ELP3: variants seen among roughly 807,000 people sequenced by gnomAD.
ELP3 encodes the protein elongator complex protein 3.
ELP3 carries 56 observed loss-of-function variants against 74.9 expected under a neutral mutation model. That is an observed-to-expected ratio of 0.75 (90% CI 0.60 to 0.93). The LOEUF is 0.93. Ranked by LOEUF, ELP3 falls within the 40% of genes least tolerant of loss-of-function variation. The pLI is 0.00. For synonymous variants in ELP3, 222 were observed against 239.8 expected (o/e 0.93, Z 0.68); for missense variants, 573 against 686.5 (o/e 0.83, Z 1.85).
rs553539875 is a variant in ELP3, at chr8:28,179,457, A to G, written c.1568-10192A>G. Reference sequence around the variant, plus strand: ...ATTATTATTAAAGCAGTGGTCCCCAACCTTTTTGGCACCAGGGACTGGTTT... The same window carrying G: ...ATTATTATTAAAGCAGTGGTCCCCAGCCTTTTTGGCACCAGGGACTGGTTT... On this transcript the variant is annotated intron_variant, in intron 14 of 14. Transcript: ENST00000256398. Among the ~76,000 whole-genome samples the G allele has an allele frequency of 1.0e-3, 158 of 152,310 alleles. 1 individual carries two copies. The highest frequency in any genetic ancestry group is 3.6e-3 in the African/African-American group (151 of 41,568).
intron 13 of ELP3, among the ~76,000 whole-genome samples, chr8:28,160,765 G>A (rs994061089): frequency 6.9e-6 from 1 of 144,362 alleles, no homozygotes; most frequent in Non-Finnish European, 1.5e-5. Context: ...CGTGATCTTG[G>A]CTCACTGCAA....
intron 12 of ELP3, 47 bp from the exon 13 acceptor site, chr8:28,160,182 G>C (rs1270361509): frequency 6.5e-7 from 1 of 1,532,450 alleles, no homozygotes; most frequent in Non-Finnish European, 8.9e-7. Flanking sequence ...AAATGAATTT[G>C]GTTCTTTAAT....
At chr8:28,137,921 G>C in intron 10 of ELP3, 30 bp downstream of exon 10, 1 of 1,526,974 alleles carries the variant, frequency 6.5e-7, no homozygotes, top group Non-Finnish European at 8.8e-7. Flanking sequence ...TCCTAAAATA[G>C]TTGGTGACTA....
intron 14 of ELP3, among the ~76,000 whole-genome samples, chr8:28,188,170 GCA>G (rs1252475932): frequency 2.0e-5 from 3 of 152,208 alleles, no homozygotes; most frequent in Non-Finnish European, 4.4e-5. Flanking sequence ...TCACTCCCAG[GCA>G]CAGACAGCCG....
At chr8:28,132,100 G>T (rs548473395) in intron 8 of ELP3, among the ~76,000 whole-genome samples, 178 bp from the exon 9 acceptor site, 22 of 152,220 alleles carry the variant, frequency 1.4e-4, no homozygotes, top group Non-Finnish European at 2.8e-4. Flanking sequence ...TGTAAAAAAT[G>T]ACTTTCTGAG....
At chr8:28,164,861 T>C (rs1361078763) in intron 14 of ELP3, among the ~76,000 whole-genome samples, 1 of 152,168 alleles carries the variant, frequency 6.6e-6, no homozygotes, top group East Asian at 1.9e-4. Context: ...GCATTTTGAC[T>C]TTGGTTTCTC....
chr8:28,094,213 A>G (rs187450018), intron 1 of ELP3, among the ~76,000 whole-genome samples: 1 of 152,278 alleles, frequency 6.6e-6, no homozygotes, highest in Non-Finnish European at 1.5e-5. Flanking sequence ...TTCTGTCACC[A>G]AGTCATGTTG....
At chr8:28,157,587 C>T (rs1813881630) in intron 11 of ELP3, among the ~76,000 whole-genome samples, 1 of 152,040 alleles carries the variant, frequency 6.6e-6, no homozygotes, top group Admixed American at 6.6e-5. Context: ...GAATTCTGTA[C>T]ATATATAGCA....
intron 6 of ELP3, 75 bp from the exon 7 acceptor site, chr8:28,112,944 A>C: frequency 7.4e-7 from 1 of 1,351,108 alleles, no homozygotes; most frequent in East Asian, 2.4e-5. Context: ...ACTGCAAAAT[A>C]AGAGATTTGC....
intron 7 of ELP3, among the ~76,000 whole-genome samples, chr8:28,114,037 T>C (rs940123273): frequency 7.9e-5 from 12 of 152,094 alleles, no homozygotes; most frequent in Non-Finnish European, 1.5e-4. Flanking sequence ...TGTAGTTCAG[T>C]GATTTAAGAA....
At chr8:28,114,123 A>C (rs1321863095) in intron 7 of ELP3, among the ~76,000 whole-genome samples, 1 of 151,718 alleles carries the variant, frequency 6.6e-6, no homozygotes, top group Non-Finnish European at 1.5e-5. Context: ...CTTATTTAAC[A>C]AATCCTTCTT....
intron 14 of ELP3, among the ~76,000 whole-genome samples, chr8:28,187,680 G>C (rs1319938524): frequency 6.6e-6 from 1 of 152,188 alleles, no homozygotes; most frequent in Non-Finnish European, 1.5e-5. Flanking sequence ...TTTGGAATTT[G>C]ACAGAAAGAT....
chr8:28,120,391 G>T (rs1812321416), intron 7 of ELP3, among the ~76,000 whole-genome samples: 2 of 152,132 alleles, frequency 1.3e-5, no homozygotes, highest in African/African-American at 4.8e-5. Flanking sequence ...CCTTTGTGAA[G>T]TATCTATTAA....
At chr8:28,172,081 A>G (rs1479051522) in intron 14 of ELP3, among the ~76,000 whole-genome samples, 6 of 152,118 alleles carry the variant, frequency 3.9e-5, no homozygotes, top group Middle Eastern at 3.2e-3. Context: ...ATTGGGAAGT[A>G]TGAGTCTCCA....
At chr8:28,178,497 G>A (rs1036588072) in intron 14 of ELP3, among the ~76,000 whole-genome samples, 4 of 152,182 alleles carry the variant, frequency 2.6e-5, no homozygotes, top group Non-Finnish European at 4.4e-5. Flanking sequence ...TTGAGTCAAC[G>A]TTGTAGTAGC....
chr8:28,103,754 A>G (rs1243870174), intron 3 of ELP3, among the ~76,000 whole-genome samples: 1 of 152,210 alleles, frequency 6.6e-6, no homozygotes, highest in Admixed American at 6.5e-5. Context: ...TTATTTTAAG[A>G]CAGGGTTTTG....
intron 2 of ELP3, 82 bp downstream of exon 2, chr8:28,097,400 C>T: frequency 1.2e-6 from 1 of 863,428 alleles, no homozygotes; most frequent in South Asian, 1.7e-5. Flanking sequence ...ACTTGTTTTC[C>T]AGCTCAAGTT....
chr8:28,181,259 A>G (rs4732836), intron 14 of ELP3, among the ~76,000 whole-genome samples: 151,622 of 152,326 alleles, frequency 1, 75,464 homozygotes, highest in South Asian at 1. Flanking sequence ...TTAAATACTC[A>G]CGACTCTTCT....
chr8:28,115,307 A>T (rs1210498503), intron 7 of ELP3, among the ~76,000 whole-genome samples: 1 of 152,200 alleles, frequency 6.6e-6, no homozygotes, highest in Non-Finnish European at 1.5e-5. Context: ...AGACCACCTC[A>T]TGGGAGAGTT....
Sources: gnomAD v4.1 joint callset for allele counts (sites outside exome capture counted in the v4.1 genomes callset) on GRCh38, gnomAD v4.1.1 for gene constraint, MANE v1.5 for transcripts, NCBI Gene and HGNC (gene_info 2026-07-23, HGNC 2026-07-21) for gene names.